GAS2: variants seen among roughly 807,000 people sequenced by gnomAD.
GAS2 encodes growth arrest specific 2.
Under a neutral mutation model 37.5 loss-of-function variants are expected in GAS2, and 20 were observed. That is an observed-to-expected ratio of 0.53 (90% CI 0.37 to 0.77). The LOEUF (loss-of-function observed/expected upper bound fraction) is 0.77. GAS2 is among the 30% of genes least tolerant of loss of function. The pLI, the probability that GAS2 is intolerant of heterozygous loss-of-function variation, is 0.00. For missense variants in GAS2, 336 were observed against 373.4 expected (o/e 0.90, Z 0.82); for synonymous variants, 144 against 132.2 (o/e 1.09, Z -0.61).
At chr11:22,645,174 A>G (rs963088473) in intron 1 of GAS2, among the ~76,000 whole-genome samples, 1 of 152,168 alleles carries the variant, frequency 6.6e-6, no homozygotes, top group Admixed American at 6.5e-5. Flanking sequence ...ATTGTAGGGT[A>G]GAAGACGGAA....
intron 7 of GAS2, among the ~76,000 whole-genome samples, chr11:22,775,370 G>A (rs375956555): frequency 6.6e-6 from 1 of 152,252 alleles, no homozygotes; most frequent in South Asian, 2.1e-4. Context: ...ATTATCTACT[G>A]TGTGAGGCTA....
intron 2 of GAS2, among the ~76,000 whole-genome samples, chr11:22,677,835 G>T (rs1024834033): frequency 6.6e-6 from 1 of 152,112 alleles, no homozygotes; most frequent in Non-Finnish European, 1.5e-5. Context: ...TGAAGGGGTT[G>T]AAGTAGATGA....
At chr11:22,637,769 A>C (rs1006048850) in intron 1 of GAS2, among the ~76,000 whole-genome samples, 20 of 145,242 alleles carry the variant, frequency 1.4e-4, no homozygotes, top group Non-Finnish European at 2.5e-4. Flanking sequence ...ATTTATATTT[A>C]TATATTATTC....
chr11:22,774,413 T>C (rs1277323293), intron 7 of GAS2, among the ~76,000 whole-genome samples: 1 of 152,264 alleles, frequency 6.6e-6, no homozygotes, highest in African/African-American at 2.4e-5. Flanking sequence ...AAATGACTTA[T>C]CTTCAAACAT....
chr11:22,720,227 A>G (rs1043906126), intron 3 of GAS2, among the ~76,000 whole-genome samples: 10 of 151,998 alleles, frequency 6.6e-5, no homozygotes, highest in Admixed American at 5.3e-4. Flanking sequence ...TAAAATTTTG[A>G]TCTAAGATCT....
At chr11:22,765,284 G>A (rs1014630823) in intron 7 of GAS2, among the ~76,000 whole-genome samples, 26 of 152,258 alleles carry the variant, frequency 1.7e-4, no homozygotes, top group African/African-American at 5.8e-4. Flanking sequence ...TGTGTGTATA[G>A]TGAAAAGCAA....
At chr11:22,740,870 T>G (rs1321115642) in intron 5 of GAS2, among the ~76,000 whole-genome samples, 3 of 152,200 alleles carry the variant, frequency 2.0e-5, no homozygotes, top group Admixed American at 1.3e-4. Context: ...GAAGTGATTT[T>G]GGGAGAGCTC....
intron 7 of GAS2, among the ~76,000 whole-genome samples, chr11:22,777,271 T>C (rs2134461378): frequency 1.3e-5 from 2 of 152,306 alleles, no homozygotes; most frequent in Middle Eastern, 6.8e-3. Flanking sequence ...TGGAATAATC[T>C]GTCAGACAAT....
At chr11:22,671,033 T>C (rs1208351127) in intron 1 of GAS2, among the ~76,000 whole-genome samples, 2 of 152,156 alleles carry the variant, frequency 1.3e-5, no homozygotes, top group Non-Finnish European at 2.9e-5. Context: ...GAATACTTTT[T>C]CTTCAGAGTC....
chr11:22,747,549 C>T (rs910300291), intron 5 of GAS2, among the ~76,000 whole-genome samples: 1 of 151,984 alleles, frequency 6.6e-6, no homozygotes, highest in African/African-American at 2.4e-5. Context: ...ACACATAGCA[C>T]CCCTCTTTAC....
At chr11:22,695,047 C>T (rs529520359) in intron 3 of GAS2, among the ~76,000 whole-genome samples, 34 of 152,130 alleles carry the variant, frequency 2.2e-4, no homozygotes, top group Admixed American at 5.2e-4. Context: ...CGGCTGGGTG[C>T]GGTGGCTCAC....
At chr11:22,663,026 G>A (rs1311508666), upstream of GAS2, among the ~76,000 whole-genome samples, 2 of 152,096 alleles carry the variant, frequency 1.3e-5, no homozygotes, top group Admixed American at 6.6e-5. Flanking sequence ...CATGGCTGGG[G>A]AGGCCTCAGG....
intron 5 of GAS2, among the ~76,000 whole-genome samples, chr11:22,746,298 C>T (rs543203195): frequency 6.6e-6 from 1 of 152,142 alleles, no homozygotes; most frequent in Non-Finnish European, 1.5e-5. Flanking sequence ...CTGAGGAAAG[C>T]AGTTTGGAGA....
At chr11:22,774,139 G>A (rs1392127081) in intron 7 of GAS2, among the ~76,000 whole-genome samples, 1 of 152,130 alleles carries the variant, frequency 6.6e-6, no homozygotes, top group Non-Finnish European at 1.5e-5. Flanking sequence ...GATTACAGGA[G>A]CATGCCACCA....
At chr11:22,687,411 G>A (rs935880309) in intron 3 of GAS2, among the ~76,000 whole-genome samples, 2 of 152,150 alleles carry the variant, frequency 1.3e-5, no homozygotes, top group Non-Finnish European at 2.9e-5. Context: ...TGAAACCTGG[G>A]TACTAGAATT....
rs1208634417 is a variant in GAS2, at chr11:22,687,713, G to A, written c.267+1924G>A. 9.2e-5 allele frequency among the ~76,000 whole-genome samples: 14 copies of A among 152,134 alleles called. 1 individual carries two copies. The highest frequency in any genetic ancestry group is 6.2e-4 in the South Asian group (3 of 4,826). ...TTTTTCTTCTGCTCTCATTTCCATCGTGATGTAACTGGCCTCTACATCAGC... is the reference window on the plus strand; with the variant it reads ...TTTTTCTTCTGCTCTCATTTCCATCATGATGTAACTGGCCTCTACATCAGC... On this transcript the variant is annotated intron_variant, in intron 3 of 7. Transcript: ENST00000454584.
chr11:22,779,116 A>C (rs1338467426), intron 7 of GAS2, among the ~76,000 whole-genome samples: 1 of 150,866 alleles, frequency 6.6e-6, no homozygotes, highest in African/African-American at 2.4e-5. Context: ...AGAATCAGGG[A>C]ATACTTTGAT....
chr11:22,737,454 C>CT (rs1852815409), intron 4 of GAS2, among the ~76,000 whole-genome samples: 1 of 152,164 alleles, frequency 6.6e-6, no homozygotes, highest in Admixed American at 6.5e-5. Context: ...TGAGGGTTTC[C>CT]TGAGATTTCC....
intron 7 of GAS2, among the ~76,000 whole-genome samples, chr11:22,785,130 G>C (rs375512517): frequency 6.6e-6 from 1 of 152,054 alleles, no homozygotes; most frequent in East Asian, 1.9e-4. Flanking sequence ...TGGATGTTTT[G>C]TCATCTAAGC....
Sources: allele counts gnomAD v4.1 joint callset (sites outside exome capture counted in the v4.1 genomes callset), GRCh38; gene constraint gnomAD v4.1.1; transcripts MANE v1.5; gene names NCBI Gene and HGNC (gene_info 2026-07-23, HGNC 2026-07-21).